The following AZIN2 variants were observed in gnomAD, a reference collection of about 807,000 sequenced individuals.
The protein encoded by AZIN2 is ODC antizyme inhibitor-2.
AZIN2 carries 28 observed loss-of-function variants against 47.8 expected under a neutral mutation model. The observed-to-expected ratio is 0.59, with a 90% CI of 0.43 to 0.80. The LOEUF is 0.80. AZIN2 is among the 30% of genes least tolerant of loss of function. The probability of loss-of-function intolerance (pLI) is 0.00; values close to 1 mark genes in which losing one functional copy is unlikely to be tolerated. For missense variants in AZIN2, 535 were observed against 582.5 expected (o/e 0.92, Z 0.84); for synonymous variants, 221 against 239.4 (o/e 0.92, Z 0.71).
chr1:33,093,383 C>G lies in AZIN2; in HGVS notation c.554C>G (p.Ala185Gly). 1.9e-6 allele frequency: 3 copies of G among 1,614,022 alleles called. No individual in the cohort carries two copies. Among genetic ancestry groups the G allele is most frequent in the Non-Finnish European group, 2.5e-6 (3 of 1,179,964 alleles). The change falls in exon 7 of 12, where the codon GCG becomes GGG. Residue 185 changes from alanine to glycine, a missense_variant. Physicochemically the swap from Ala to Gly is moderately conservative, Grantham distance 60 (BLOSUM62 0). Transcript: ENST00000294517. Reference protein sequence around the residue: ...LKSCRHLLENAKKHHVEVVGV... With the variant: ...LKSCRHLLENGKKHHVEVVGV... ...TCCTGCAGACACCTGCTTGAAAATG[C>G]GAAGAAGCACCATGTGGAGGTGGTG... is the stretch of plus-strand genomic sequence containing the variant.
At chr1:33,133,402 C>T in the AZIN2 span, among the ~76,000 whole-genome samples, 1 of 152,180 alleles carries the variant, frequency 6.6e-6, no homozygotes. Flanking sequence ...CACAATAAGA[C>T]CAAGAGTAAA....
At chr1:33,137,475 G>A in the AZIN2 span, among the ~76,000 whole-genome samples, 1 of 152,212 alleles carries the variant, frequency 6.6e-6, no homozygotes, top group Non-Finnish European at 1.5e-5. Flanking sequence ...GGGACTTTGA[G>A]AGAAAACAGA....
At chr1:33,123,894 G>A (rs1644837778), downstream of AZIN2, among the ~76,000 whole-genome samples, 1 of 152,184 alleles carries the variant, frequency 6.6e-6, no homozygotes, top group South Asian at 2.1e-4. Flanking sequence ...CTACTTGGGA[G>A]GCTGAGGCAG....
the AZIN2 span, among the ~76,000 whole-genome samples, chr1:33,149,384 C>G: frequency 6.6e-6 from 1 of 152,014 alleles, no homozygotes; most frequent in South Asian, 2.1e-4. Flanking sequence ...GAACTCCTGG[C>G]CTCAAGTGAT....
At chr1:33,094,780 T>G (rs1642962711) in intron 8 of AZIN2, 67 bp downstream of exon 8, 1 of 1,569,264 alleles carries the variant, frequency 6.4e-7, no homozygotes, top group South Asian at 1.1e-5. Flanking sequence ...GATTAGATGA[T>G]CGGAGGGAGA....
intron 5 of AZIN2, 91 bp downstream of exon 5, chr1:33,084,218 G>C: frequency 6.7e-7 from 1 of 1,503,750 alleles, no homozygotes. Flanking sequence ...GGGAGCAAGA[G>C]GTACCTGTAG....
chr1:33,116,824 A>G (rs1355398467), intron 10 of AZIN2, among the ~76,000 whole-genome samples: 2 of 152,222 alleles, frequency 1.3e-5, no homozygotes, highest in Non-Finnish European at 2.9e-5. Flanking sequence ...AGGGAATAGC[A>G]TGGGGGAAAG....
chr1:33,144,132 CTTCTTTTTTTT>C, the AZIN2 span, among the ~76,000 whole-genome samples: 1 of 36,926 alleles, frequency 2.7e-5, no homozygotes, highest in African/African-American at 7.6e-5. Context: ...TTTAATGTTA[CTTCTTTTTTTT>C]TTTTTTTTTT....
In AZIN2 at chr1:33,081,916, C is replaced by T. The variant is rs763631634; in HGVS notation, c.-73+104C>T. On this transcript the variant is annotated intron_variant, in intron 3 of 11. Coordinates refer to ENST00000294517, the MANE Select transcript of AZIN2 (RefSeq NM_052998.4). The surrounding 1 kb of genome is among the most constrained non-coding windows in gnomAD (Gnocchi z 4.2). ...CACTCTTTCCTGAAATCCAGAATTT[C>T]AGAACTGGGAAGGCTCTCCAAAACA... is the stretch of plus-strand genomic sequence containing the variant. 9 of 308,820 alleles carry T rather than the reference C, an allele frequency of 2.9e-5. No homozygotes were observed. The highest frequency in any genetic ancestry group is 5.0e-5 in the Non-Finnish European group (8 of 159,892). The allele number at this position is 308,820 out of a possible 1,614,324, so 19.1% of individuals were successfully genotyped here.
In AZIN2 at chr1:33,120,543, C is replaced by A. The variant is rs547273769; in HGVS notation, c.*361C>A. 5.7e-5 allele frequency: 11 copies of A among 191,654 alleles called. No homozygotes were observed. The East Asian group carries it at 1.6e-3, about 28-fold the overall frequency. 11.9% of individuals were successfully genotyped at this position (191,654 alleles called of 1,614,324 possible). A position where few individuals can be genotyped will look rare whatever the true frequency, so the allele number is the denominator to read the frequency against. Reference sequence around the variant, plus strand: ...TTTTAAAAACTGCAGCGGAATCTGGCAGTTTGATTCACAAAGCAGCCTGGG... The same window carrying A: ...TTTTAAAAACTGCAGCGGAATCTGGAAGTTTGATTCACAAAGCAGCCTGGG... On this transcript the variant is annotated 3_prime_UTR_variant, in exon 12 of 12. Transcript: ENST00000294517.
chr1:33,154,485 T>C, the AZIN2 span, among the ~76,000 whole-genome samples: 1 of 151,348 alleles, frequency 6.6e-6, no homozygotes, highest in Non-Finnish European at 1.5e-5. Context: ...CTTTAGATCT[T>C]TTTTTTTTCT....
the AZIN2 span, among the ~76,000 whole-genome samples, chr1:33,134,587 C>G: frequency 6.6e-6 from 1 of 152,122 alleles, no homozygotes; most frequent in South Asian, 2.1e-4. Flanking sequence ...AGAAAGACCT[C>G]CTAATCCGGT....
rs546456695 is a variant in AZIN2, at chr1:33,091,768, A to G, written c.280-282A>G. Among the ~76,000 whole-genome samples the G allele has an allele frequency of 2.6e-5, 4 of 152,332 alleles. No individual in the cohort carries two copies. In the East Asian group the frequency reaches 7.7e-4, roughly 29 times the overall value. ...GATGCTTTACTGCCAGGAAGTTTTA[A>G]TAAATATACAAATCTACTCTGTATT... On this transcript the variant is annotated intron_variant, in intron 5 of 11. Coordinates refer to ENST00000294517, the MANE Select transcript of AZIN2 (RefSeq NM_052998.4).
At chr1:33,086,321 G>A (rs1321627516) in intron 5 of AZIN2, among the ~76,000 whole-genome samples, 2 of 152,164 alleles carry the variant, frequency 1.3e-5, no homozygotes, top group Admixed American at 6.5e-5. Context: ...GGCAGCTTGA[G>A]TCCTGCTGAG....
In AZIN2 at chr1:33,084,071, C is replaced by A. The variant is rs781666328; in HGVS notation, c.223C>A (p.Pro75Thr). Residue 75 changes from proline (P) to threonine (T), a missense_variant, in exon 5 of 12, where the codon CCA becomes ACA. By Grantham distance (38) the Pro-to-Thr change is conservative. This residue lies in a region of AZIN2 where 409 missense variants were observed against 429.0 expected (regional missense o/e 0.95). Coordinates refer to ENST00000294517, the MANE Select transcript of AZIN2 (RefSeq NM_052998.4). ...PFYAVKCNSS[P>T]GVLKVLAQLG... Reference sequence around the variant, plus strand: ...TTATGCTGTCAAGTGCAACAGCAGCCCAGGTGTGCTGAAGGTTCTGGCCCA... The same window carrying A: ...TTATGCTGTCAAGTGCAACAGCAGCACAGGTGTGCTGAAGGTTCTGGCCCA... 6.2e-7 allele frequency: 1 copy of A among 1,613,832 alleles called. No individual in the cohort carries two copies. Among genetic ancestry groups the A allele is most frequent in the South Asian group, 1.1e-5 (1 of 91,062 alleles).
intron 6 of AZIN2, among the ~76,000 whole-genome samples, chr1:33,092,935 T>C (rs72884367): frequency 0.046 from 6,972 of 152,252 alleles, 344 homozygotes; most frequent in African/African-American, 0.12. Context: ...TCCATCGTAT[T>C]AATGGGTTCT....
chr1:33,109,548 C>T (rs920346965), intron 10 of AZIN2, among the ~76,000 whole-genome samples: 4 of 151,876 alleles, frequency 2.6e-5, no homozygotes, highest in South Asian at 2.1e-4. Context: ...AGGCTGGTCT[C>T]GAACTCCTGG....
At chr1:33,126,475 CCA>C (rs1487907919), downstream of AZIN2, among the ~76,000 whole-genome samples, 1 of 152,190 alleles carries the variant, frequency 6.6e-6, no homozygotes, top group African/African-American at 2.4e-5. Context: ...ACTGTGCTTA[CCA>C]CAGAGTAGAC....
intron 5 of AZIN2, among the ~76,000 whole-genome samples, chr1:33,087,382 C>T (rs1204349498): frequency 6.6e-6 from 1 of 151,780 alleles, no homozygotes. Flanking sequence ...ATCCACCCGC[C>T]TCGGCCTCCC....
Sources: allele counts gnomAD v4.1 joint callset (sites outside exome capture counted in the v4.1 genomes callset), GRCh38; gene constraint gnomAD v4.1.1; regional missense constraint gnomAD v4.1.1; non-coding constraint Gnocchi (gnomAD v3.1); transcripts MANE v1.5; gene names NCBI Gene and HGNC (gene_info 2026-07-23, HGNC 2026-07-21).